Variants in KARS1 observed in about 807,000 individuals in gnomAD.
KARS1 encodes lysyl-tRNA synthetase 1, also known as lysine--tRNA ligase.
Under a neutral mutation model 63.9 loss-of-function variants are expected in KARS1, and 50 were observed. That is an observed-to-expected ratio of 0.78 (90% CI 0.62 to 0.99). The LOEUF (loss-of-function observed/expected upper bound fraction) is 0.99. KARS1 is among the 50% of genes least tolerant of loss of function. The probability of loss-of-function intolerance (pLI) is 0.00; values close to 1 mark genes in which losing one functional copy is unlikely to be tolerated. For missense variants in KARS1, 816 were observed against 754.5 expected (o/e 1.08, Z -0.95); for synonymous variants, 320 against 264.6 (o/e 1.21, Z -2.03).
rs777484823 is a variant in KARS1 at position 75,630,446 on chromosome 16, C to T, written c.1401G>A (p.Gln467=). 5 of 1,609,504 alleles carry T rather than the reference C, an allele frequency of 3.1e-6. No homozygotes were observed. Among genetic ancestry groups the T allele is most frequent in the Non-Finnish European group, 4.2e-6 (5 of 1,176,618 alleles). The change falls in exon 11 of 14, where the codon CAG becomes CAA. Residue 467 remains glutamine (Q), a synonymous_variant. Coordinates refer to ENST00000302445, the MANE Select transcript of KARS1 (RefSeq NM_005548.3). Reference sequence around the variant, plus strand: ...ACCATTTAGCCAAAGGGCTCATTATCTGTGGGTGATCACAGATGAATGTAG... The same window carrying T: ...ACCATTTAGCCAAAGGGCTCATTATTTGTGGGTGATCACAGATGAATGTAG... ...INPTFICDHP[Q]IMSPLAKWHR...
intron 13 of KARS1, among the ~76,000 whole-genome samples, chr16:75,628,270 A>C (rs563533770): frequency 6.6e-6 from 1 of 152,382 alleles, no homozygotes; most frequent in South Asian, 2.1e-4. Context: ...AAAAATGGGA[A>C]ACAACAGTTT....
intron 1 of KARS1, 144 bp downstream of exon 1, chr16:75,647,434 C>G (rs957916242): frequency 3.7e-5 from 30 of 804,868 alleles, no homozygotes; most frequent in Non-Finnish European, 2.1e-6. Flanking sequence ...GTCTGCAGGG[C>G]GCAGCCACCA....
chr16:75,631,882 T>C, intron 7 of KARS1, 27 bp from the exon 8 acceptor site: 2 of 1,613,010 alleles, frequency 1.2e-6, no homozygotes, highest in Non-Finnish European at 1.7e-6. Context: ...GCCACGGTCA[T>C]GACAGCTAAT....
rs527911721 is a variant in KARS1 at position 75,632,315 on chromosome 16, T to C, written c.916-460A>G. ...AAATTGCCAAGCACCCTGCTCTCTT[T>C]ATACCCTTGTAGTGTGGATAGTTAC... On this transcript the variant is annotated intron_variant, in intron 7 of 13. Transcript: ENST00000302445. 2.6e-5 allele frequency among the ~76,000 whole-genome samples: 4 copies of C among 152,342 alleles called. No homozygotes were observed. The East Asian group carries it at 5.8e-4, about 22-fold the overall frequency.
At chr16:75,638,322 C>A (rs1427250139) in intron 3 of KARS1, among the ~76,000 whole-genome samples, 2 of 151,788 alleles carry the variant, frequency 1.3e-5, no homozygotes, top group African/African-American at 4.8e-5. Flanking sequence ...TACCTATCAA[C>A]CTGTCATCTA....
At chr16:75,636,588 AAGTCAT>A (rs765748946) in intron 3 of KARS1, 41 bp from the exon 4 acceptor site, 1 of 1,282,472 alleles carries the variant, frequency 7.8e-7, no homozygotes, top group South Asian at 1.2e-5. Context: ...ACAGAACCAG[AAGTCAT>A]TTTATGGTAT....
intron 1 of KARS1, chr16:75,642,676 A>G (rs1236576665): frequency 2.6e-5 from 4 of 152,280 alleles, no homozygotes; most frequent in Non-Finnish European, 5.9e-5. Flanking sequence ...CATTAGTCTC[A>G]CTTTGCCCAC....
At chr16:75,642,381 T>C (rs2082236230) in intron 1 of KARS1, among the ~76,000 whole-genome samples, 1 of 151,904 alleles carries the variant, frequency 6.6e-6, no homozygotes, top group East Asian at 1.9e-4. Context: ...TTATGTATTT[T>C]TAGTGAGACG....
At position 75,632,806 on chromosome 16, in the gene KARS1, A is replaced by G. The variant is rs757012892; in HGVS notation, c.916-951T>C. ...ACTCAGGATGGTGGCAGAAATATTAAAGGGAAATATTGGGGAAAGTTATAA... is the reference window on the plus strand; with the variant it reads ...ACTCAGGATGGTGGCAGAAATATTAGAGGGAAATATTGGGGAAAGTTATAA... On this transcript the variant is annotated intron_variant, in intron 7 of 13. Coordinates refer to ENST00000302445, the MANE Select transcript of KARS1 (RefSeq NM_005548.3). Among the ~76,000 whole-genome samples, 17 of 152,176 alleles carry G rather than the reference A, an allele frequency of 1.1e-4. 1 individual carries two copies. Among genetic ancestry groups the G allele is most frequent in the Admixed American group, 1.3e-4 (2 of 15,274 alleles).
intron 1 of KARS1, among the ~76,000 whole-genome samples, chr16:75,646,010 A>G (rs1215100507): frequency 6.6e-6 from 1 of 152,152 alleles, no homozygotes; most frequent in African/African-American, 2.4e-5. Flanking sequence ...AGAATGAACT[A>G]AACTTTAGGA....
At chr16:75,635,557 G>T in intron 6 of KARS1, 123 bp downstream of exon 6, 2 of 1,100,398 alleles carry the variant, frequency 1.8e-6, no homozygotes, top group South Asian at 1.3e-5. Flanking sequence ...CAAGAAAAGG[G>T]GACATTCTCA....
At chr16:75,642,681 G>C (rs2082238718) in intron 1 of KARS1, 1 of 152,232 alleles carries the variant, frequency 6.6e-6, no homozygotes, top group Admixed American at 6.5e-5. Flanking sequence ...GTCTCACTTT[G>C]CCCACTGGAG....
intron 7 of KARS1, chr16:75,633,899 A>T: frequency 4.9e-6 from 2 of 411,102 alleles, no homozygotes; most frequent in South Asian, 4.1e-5. Context: ...TCCACGTAAG[A>T]CTTTATCTTA....
intron 13 of KARS1, 116 bp downstream of exon 13, chr16:75,628,453 C>T (rs1241077946): frequency 1.7e-6 from 2 of 1,211,376 alleles, no homozygotes; most frequent in East Asian, 4.8e-5. Flanking sequence ...CCTCTGCCTG[C>T]TCCTCTTCCC....
At position 75,627,823 on chromosome 16, in the gene KARS1, T is replaced by C. The variant is rs2082067123; in HGVS notation, c.*72A>G. The C allele has an allele frequency of 1.2e-6, 1 of 862,942 alleles. No individual in the cohort carries two copies. The highest frequency in any genetic ancestry group is 2.0e-6 in the Non-Finnish European group (1 of 494,588). The allele number at this position is 862,942 out of a possible 1,614,324, so 53.5% of individuals were successfully genotyped here. ...TCAAATGGAAAGCAGCACACAAGAA[T>C]TCCCTTGCAGACCTTGATCTTTCGC... On this transcript the variant is annotated 3_prime_UTR_variant, in exon 14 of 14. Coordinates refer to ENST00000302445, the MANE Select transcript of KARS1 (RefSeq NM_005548.3).
intron 1 of KARS1, among the ~76,000 whole-genome samples, chr16:75,647,109 T>C (rs1474581066): frequency 6.6e-6 from 1 of 152,188 alleles, no homozygotes; most frequent in African/African-American, 2.4e-5. Context: ...GTTTTAGAAC[T>C]GATCCCTTTT....
chr16:75,644,860 C>G (rs1175069380), intron 1 of KARS1, among the ~76,000 whole-genome samples: 3 of 152,202 alleles, frequency 2.0e-5, no homozygotes, highest in Non-Finnish European at 4.4e-5. Context: ...TAAGAGGAAA[C>G]TGTCACTATC....
At chr16:75,645,498 T>A (rs916497178) in intron 1 of KARS1, among the ~76,000 whole-genome samples, 1 of 152,256 alleles carries the variant, frequency 6.6e-6, no homozygotes, top group Admixed American at 6.5e-5. Flanking sequence ...AGATCTAGCA[T>A]TGTGCCTGGC....
chr16:75,638,217 C>CTTTTT (rs57551067), intron 3 of KARS1, among the ~76,000 whole-genome samples: 1 of 146,960 alleles, frequency 6.8e-6, no homozygotes. Context: ...CAAAAAGTTC[C>CTTTTT]TTTTTTTTTT....
Sources: allele counts gnomAD v4.1 joint callset (sites outside exome capture counted in the v4.1 genomes callset), GRCh38; gene constraint gnomAD v4.1.1; transcripts MANE v1.5; gene names NCBI Gene and HGNC (gene_info 2026-07-23, HGNC 2026-07-21).